The following CDKAL1 variants were observed in gnomAD, a reference collection of about 807,000 sequenced individuals.
CDKAL1 encodes the protein CDKAL1 threonylcarbamoyladenosine tRNA methylthiotransferase.
In CDKAL1, 32 loss-of-function variants were observed where a neutral mutation model predicts 68.2. The ratio of observed to expected loss-of-function variants is 0.47; its 90% CI spans 0.35 to 0.63. The LOEUF is 0.63. CDKAL1 is among the 30% of genes least tolerant of loss of function. The pLI is 0.00. For synonymous variants in CDKAL1, 234 were observed against 244.3 expected (o/e 0.96, Z 0.39); for missense variants, 606 against 696.7 (o/e 0.87, Z 1.47).
chr6:20,812,986 T>C (rs370467833), intron 8 of CDKAL1, among the ~76,000 whole-genome samples: 37 of 152,232 alleles, frequency 2.4e-4, no homozygotes, highest in African/African-American at 8.9e-4. Context: ...ACACCCAATA[T>C]GTTCTGTCAA....
At chr6:20,773,163 A>G (rs140608306) in intron 7 of CDKAL1, 26 of 152,236 alleles carry the variant, frequency 1.7e-4, no homozygotes, top group Non-Finnish European at 3.5e-4. Context: ...AAGTTTTCCA[A>G]TCTAGACTTG....
intron 12 of CDKAL1, among the ~76,000 whole-genome samples, chr6:21,100,308 C>CTTACCTAT (rs1310910997): frequency 2.0e-5 from 3 of 152,168 alleles, no homozygotes; most frequent in Non-Finnish European, 4.4e-5. Context: ...AACAAATTCA[C>CTTACCTAT]TTACCTATTT....
intron 13 of CDKAL1, among the ~76,000 whole-genome samples, chr6:21,128,071 G>A (rs1414873337): frequency 6.6e-6 from 1 of 152,160 alleles, no homozygotes; most frequent in East Asian, 1.9e-4. Context: ...ACTTACAATG[G>A]TCCGACTTAC....
chr6:20,862,662 T>TGCAC (rs1759702259), intron 9 of CDKAL1, among the ~76,000 whole-genome samples: 6 of 133,784 alleles, frequency 4.5e-5, no homozygotes, highest in African/African-American at 1.6e-4. Context: ...TGTGTGTGTG[T>TGCAC]GCGCGCGTGC....
intron 15 of CDKAL1, among the ~76,000 whole-genome samples, chr6:21,205,748 G>A (rs13214311): frequency 0.48 from 71,280 of 148,104 alleles, 17,683 homozygotes; most frequent in African/African-American, 0.58. Flanking sequence ...AGCCAGGATG[G>A]TCTCGATCTC....
At chr6:20,620,838 G>T (rs1767159252) in intron 4 of CDKAL1, among the ~76,000 whole-genome samples, 1 of 152,010 alleles carries the variant, frequency 6.6e-6, no homozygotes, top group Admixed American at 6.6e-5. Flanking sequence ...CCCTGCCATA[G>T]CTTCTCCTAT....
intron 4 of CDKAL1, among the ~76,000 whole-genome samples, chr6:20,584,397 G>C (rs1765259627): frequency 6.6e-6 from 1 of 152,126 alleles, no homozygotes; most frequent in Admixed American, 6.6e-5. Context: ...AGTTAAAATA[G>C]GAGTGAGTAG....
chr6:20,599,377 G>T (rs190508076), intron 4 of CDKAL1: 34 of 454,420 alleles, frequency 7.5e-5, no homozygotes, highest in Admixed American at 7.3e-4. Context: ...AGTTATTTCA[G>T]GTTGAGTGTA....
chr6:20,859,465 T>A (rs1759502867), intron 9 of CDKAL1, among the ~76,000 whole-genome samples: 1 of 152,228 alleles, frequency 6.6e-6, no homozygotes, highest in Non-Finnish European at 1.5e-5. Context: ...TTACTTCCCT[T>A]GCCCTTCATT....
chr6:20,567,406 G>A (rs998303848), intron 4 of CDKAL1, among the ~76,000 whole-genome samples: 7 of 151,972 alleles, frequency 4.6e-5, no homozygotes, highest in Non-Finnish European at 1.0e-4. Flanking sequence ...TAAATGTTTT[G>A]AGTCCCTGAA....
intron 8 of CDKAL1, among the ~76,000 whole-genome samples, chr6:20,818,139 T>A (rs1350046747): frequency 6.6e-6 from 1 of 152,162 alleles, no homozygotes; most frequent in Admixed American, 6.6e-5. Context: ...TTACACAATG[T>A]CTTTTTTGGT....
intron 5 of CDKAL1, among the ~76,000 whole-genome samples, chr6:20,739,089 A>T (rs1405928686): frequency 1.3e-5 from 2 of 152,116 alleles, no homozygotes; most frequent in Admixed American, 6.5e-5. Context: ...CAGTTTTTTT[A>T]AAGTATATTT....
chr6:20,666,561 T>A (rs1769553827), intron 5 of CDKAL1, among the ~76,000 whole-genome samples: 1 of 152,140 alleles, frequency 6.6e-6, no homozygotes, highest in African/African-American at 2.4e-5. Context: ...TATGCCGTCT[T>A]AGGTATTCTT....
At chr6:21,220,986 G>C (rs1298167397) in intron 15 of CDKAL1, among the ~76,000 whole-genome samples, 2 of 152,046 alleles carry the variant, frequency 1.3e-5, no homozygotes, top group South Asian at 2.1e-4. Flanking sequence ...AGACAACATG[G>C]TGAAACCCCA....
At position 20,650,086 on chromosome 6, in the gene CDKAL1, G is replaced by A. The variant is rs1271343137; in HGVS notation, c.371+709G>A. On this transcript the variant is annotated intron_variant, in intron 5 of 15. Coordinates refer to ENST00000274695, the MANE Select transcript of CDKAL1 (RefSeq NM_017774.3). Reference sequence around the variant, plus strand: ...TTCCTTCGGGGATATACCCAGTAATGGCATTGCTGGATCAAATGGCCTTTC... The same window carrying A: ...TTCCTTCGGGGATATACCCAGTAATAGCATTGCTGGATCAAATGGCCTTTC... Among the ~76,000 whole-genome samples the A allele has an allele frequency of 2.6e-5, 4 of 152,168 alleles. No homozygotes were observed. In the East Asian group the frequency reaches 7.7e-4, roughly 29 times the overall value.
intron 13 of CDKAL1, among the ~76,000 whole-genome samples, chr6:21,179,314 G>T (rs1319641410): frequency 6.6e-6 from 1 of 152,160 alleles, no homozygotes; most frequent in Non-Finnish European, 1.5e-5. Context: ...ATCATTACAG[G>T]GTTTACTTGT....
At chr6:20,834,469 C>G (rs191821100) in intron 8 of CDKAL1, among the ~76,000 whole-genome samples, 1 of 152,164 alleles carries the variant, frequency 6.6e-6, no homozygotes, top group Non-Finnish European at 1.5e-5. Flanking sequence ...TTTCACGAAC[C>G]TAAGCTTGGC....
chr6:20,839,587 G>A (rs1039246896), intron 8 of CDKAL1, among the ~76,000 whole-genome samples: 2 of 152,066 alleles, frequency 1.3e-5, no homozygotes, highest in Non-Finnish European at 2.9e-5. Context: ...AGTCTGCTTG[G>A]AATGGTGTAC....
At chr6:20,788,778 A>G (rs897256675) in intron 8 of CDKAL1, among the ~76,000 whole-genome samples, 13 of 152,266 alleles carry the variant, frequency 8.5e-5, no homozygotes, top group African/African-American at 3.1e-4. Context: ...TTAGGTAAGA[A>G]ATTTGCTGGG....
Sources: gnomAD v4.1 joint callset for allele counts (sites outside exome capture counted in the v4.1 genomes callset) on GRCh38, gnomAD v4.1.1 for gene constraint, MANE v1.5 for transcripts, NCBI Gene and HGNC (gene_info 2026-07-23, HGNC 2026-07-21) for gene names.